The following DNAAF1 variants were observed in gnomAD, a reference collection of about 807,000 sequenced individuals.
The protein encoded by DNAAF1 is dynein assembly factor 1, axonemal.
A neutral mutation model predicts 71.1 loss-of-function variants in DNAAF1; 65 were observed. That is an observed-to-expected ratio of 0.91 (90% CI 0.75 to 1.12). DNAAF1 has a LOEUF of 1.12. Among genes scored for constraint, DNAAF1 ranks in the 50% most tolerant of loss-of-function variants. DNAAF1 has a pLI of 0.00. For synonymous variants in DNAAF1, 414 were observed against 354.6 expected (o/e 1.17, Z -1.88); for missense variants, 1,178 against 899.8 (o/e 1.31, Z -3.96).
rs1473199422 is a variant in DNAAF1, at chr16:84,172,240, GA to G, written c.1529-19del. 6.2e-7 allele frequency: 1 copy of G among 1,612,000 alleles called. No individual in the cohort carries two copies. The highest frequency in any genetic ancestry group is 1.7e-5 in the Admixed American group (1 of 59,758). On this transcript the variant is annotated intron_variant, in intron 8 of 11. Transcript: ENST00000378553. ...CTGCCGTGTGTTAAACTAACTCCAAGACTTGTTGTTGCTCTTTAGAACCGAC... is the reference window on the plus strand; with the variant it reads ...CTGCCGTGTGTTAAACTAACTCCAAGCTTGTTGTTGCTCTTTAGAACCGAC...
At chr16:84,170,489 A>C in intron 8 of DNAAF1, 133 bp downstream of exon 8, 2 of 1,395,888 alleles carry the variant, frequency 1.4e-6, no homozygotes, top group South Asian at 2.5e-5. Context: ...GATAATGGAC[A>C]CTAGTTATCT....
In DNAAF1 at chr16:84,155,577, T is replaced by G. The variant is rs1362744958; in HGVS notation, c.575-6T>G. ...GTTTTTGACTTCTGCTGACCTTACCTTCCAGCCTGCCTCCCAGTCCTGAAC... is the reference window on the plus strand; with the variant it reads ...GTTTTTGACTTCTGCTGACCTTACCGTCCAGCCTGCCTCCCAGTCCTGAAC... On this transcript the variant is annotated splice_region_variant and splice_polypyrimidine_tract_variant and intron_variant, in intron 4 of 11. Transcript: ENST00000378553. 6 of 1,614,008 alleles carry G rather than the reference T, an allele frequency of 3.7e-6. No homozygotes were observed. Among genetic ancestry groups the G allele is most frequent in the Admixed American group, 1.7e-5 (1 of 60,000 alleles).
Position 84,154,817 on chromosome 16 carries a change from C to A in DNAAF1, c.574+19C>A. On this transcript the variant is annotated intron_variant, in intron 4 of 11. Transcript: ENST00000378553. ...AACCTCTGTAAGGGTACCCAGCAAG[C>A]AGTGTGTCTGTTTGCCATATGTCCA... 6.3e-7 allele frequency: 1 copy of A among 1,591,576 alleles called. No homozygotes were observed. Among genetic ancestry groups the A allele is most frequent in the Non-Finnish European group, 8.6e-7 (1 of 1,159,494 alleles).
intron 5 of DNAAF1, among the ~76,000 whole-genome samples, chr16:84,158,536 T>C (rs2087549138): frequency 6.6e-6 from 1 of 152,208 alleles, no homozygotes; most frequent in African/African-American, 2.4e-5. Context: ...ATGTGAATTT[T>C]GATTAGGACA....
At chr16:84,169,483 G>C (rs574074289) in intron 7 of DNAAF1, among the ~76,000 whole-genome samples, 78 of 150,772 alleles carry the variant, frequency 5.2e-4, no homozygotes, top group Non-Finnish European at 1.0e-3. Flanking sequence ...GCAGTGGCGC[G>C]ATCTTGGCTC....
At chr16:84,155,109 C>A (rs536845869) in intron 4 of DNAAF1, among the ~76,000 whole-genome samples, 1 of 152,218 alleles carries the variant, frequency 6.6e-6, no homozygotes, top group Non-Finnish European at 1.5e-5. Context: ...GGGGTTTCAC[C>A]GTGTTAGCCA....
chr16:84,154,420 C>T (rs1008931906), intron 3 of DNAAF1, among the ~76,000 whole-genome samples, 157 bp from the exon 4 acceptor site: 5 of 152,132 alleles, frequency 3.3e-5, no homozygotes. Context: ...AAAAGTCCCA[C>T]CTCCTAATAC....
At chr16:84,154,318 G>C (rs1053958473) in intron 3 of DNAAF1, among the ~76,000 whole-genome samples, 5 of 152,122 alleles carry the variant, frequency 3.3e-5, no homozygotes, top group Admixed American at 3.3e-4. Context: ...TCCTCATGGG[G>C]TGAAGATGGC....
intron 2 of DNAAF1, 40 bp from the exon 3 acceptor site, chr16:84,150,211 A>T: frequency 6.8e-7 from 1 of 1,464,722 alleles, no homozygotes. Flanking sequence ...TACAGCTGAC[A>T]ATTTGCAATA....
At chr16:84,171,193 T>C (rs2088321012) in intron 8 of DNAAF1, among the ~76,000 whole-genome samples, 1 of 152,054 alleles carries the variant, frequency 6.6e-6, no homozygotes, top group Non-Finnish European at 1.5e-5. Context: ...CCCAGCACTG[T>C]GGGAGGCCGA....
Position 84,177,800 on chromosome 16 carries a change from A to G in DNAAF1, c.2137A>G (p.Thr713Ala). The change falls in exon 12 of 12, where the codon ACG becomes GCG. Residue 713 changes from threonine (T) to alanine (A), a missense_variant. Physicochemically the swap from Thr to Ala is moderately conservative, Grantham distance 58. Coordinates refer to ENST00000378553, the MANE Select transcript of DNAAF1 (RefSeq NM_178452.6). ...GVAQPSQALP[T>A]WDLTAFPAPK... ...TGCCCAGCCCAGCCAAGCTCTGCCC[A>G]CGTGGGACCTCACTGCATTCCCAGC... 6.2e-7 allele frequency: 1 copy of G among 1,614,080 alleles called. No homozygotes were observed. Among genetic ancestry groups the G allele is most frequent in the Non-Finnish European group, 8.5e-7 (1 of 1,179,996 alleles).
chr16:84,173,070 T>C (rs1397098044), intron 9 of DNAAF1: 2 of 987,602 alleles, frequency 2.0e-6, no homozygotes, highest in Admixed American at 1.2e-4. Context: ...TCTGACCTTA[T>C]ACCTTGGAGA....
intron 3 of DNAAF1, among the ~76,000 whole-genome samples, chr16:84,152,304 A>C (rs1342896879): frequency 6.6e-6 from 1 of 152,212 alleles, no homozygotes; most frequent in Non-Finnish European, 1.5e-5. Flanking sequence ...CAGTTTCTTC[A>C]ACAAAAAATT....
At chr16:84,168,162 C>A (rs1348276222) in intron 7 of DNAAF1, among the ~76,000 whole-genome samples, 1 of 152,204 alleles carries the variant, frequency 6.6e-6, no homozygotes, top group Non-Finnish European at 1.5e-5. Flanking sequence ...CGCTTCCTTG[C>A]CTTTCTCACC....
intron 6 of DNAAF1, among the ~76,000 whole-genome samples, chr16:84,162,000 G>C (rs1233746787): frequency 6.6e-6 from 1 of 152,130 alleles, no homozygotes; most frequent in Non-Finnish European, 1.5e-5. Flanking sequence ...GCAACAGATA[G>C]GCCTTTGCTG....
intron 5 of DNAAF1, 25 bp from the exon 6 acceptor site, chr16:84,159,650 T>G (rs113330448): frequency 2.5e-6 from 4 of 1,597,874 alleles, no homozygotes; most frequent in African/African-American, 2.7e-5. Flanking sequence ...CAGTAATCAT[T>G]TTGGTTCTGC....
chr16:84,168,855 C>CACACACACACACA (rs1164525472), intron 7 of DNAAF1, among the ~76,000 whole-genome samples: 1 of 151,598 alleles, frequency 6.6e-6, no homozygotes, highest in African/African-American at 2.4e-5. Flanking sequence ...CACACACACA[C>CACACACACACACA]ACTTTGCTTT....
At chr16:84,159,587 T>C (rs2087606613) in intron 5 of DNAAF1, 88 bp from the exon 6 acceptor site, 3 of 1,515,272 alleles carry the variant, frequency 2.0e-6, no homozygotes, top group South Asian at 1.2e-5. Flanking sequence ...AAATAGATTT[T>C]GTTCATTTAT....
At chr16:84,177,503 A>T (rs1420567733) in intron 11 of DNAAF1, 1 of 469,296 alleles carries the variant, frequency 2.1e-6, no homozygotes, top group South Asian at 2.0e-5. Context: ...TAATCTTTGT[A>T]TTTTTAGTAG....
Sources: allele counts gnomAD v4.1 joint callset (sites outside exome capture counted in the v4.1 genomes callset), GRCh38; gene constraint gnomAD v4.1.1; transcripts MANE v1.5; gene names NCBI Gene and HGNC (gene_info 2026-07-23, HGNC 2026-07-21).